KCNIP1: variants seen among roughly 807,000 people sequenced by gnomAD.
KCNIP1 encodes potassium voltage-gated channel interacting protein 1.
KCNIP1 carries 18 observed loss-of-function variants against 33.0 expected under a neutral mutation model. The observed-to-expected ratio is 0.55, with a 90% confidence interval of 0.38 to 0.81. KCNIP1 has a LOEUF of 0.81. KCNIP1 is among the 30% of genes least tolerant of loss of function. KCNIP1 has a pLI of 0.00. For missense variants in KCNIP1, 238 were observed against 271.6 expected (o/e 0.88, Z 0.87); for synonymous variants, 93 against 98.3 (o/e 0.95, Z 0.32).
intron 1 of KCNIP1, among the ~76,000 whole-genome samples, chr5:170,367,435 A>AAAGG (rs1278968238): frequency 1.4e-5 from 2 of 147,384 alleles, no homozygotes; most frequent in Admixed American, 6.8e-5. Context: ...AGAAAGAAAG[A>AAAGG]AAGGAAAGAA....
chr5:170,503,692 GACACACAC>G (rs113237236), upstream of KCNIP1, among the ~76,000 whole-genome samples: 7 of 143,042 alleles, frequency 4.9e-5, no homozygotes, highest in African/African-American at 1.3e-4. Flanking sequence ...CACACACAGG[GACACACAC>G]ACACACACAC....
chr5:170,625,235 G>GGCACACGTGT (rs777197231), intron 1 of KCNIP1, among the ~76,000 whole-genome samples: 1 of 151,968 alleles, frequency 6.6e-6, no homozygotes, highest in South Asian at 2.1e-4. Flanking sequence ...GCTCCCACAG[G>GGCACACGTGT]GCACACGTGT....
At chr5:170,578,252 G>A (rs1757672395) in intron 1 of KCNIP1, among the ~76,000 whole-genome samples, 1 of 152,188 alleles carries the variant, frequency 6.6e-6, no homozygotes, top group African/African-American at 2.4e-5. Context: ...ACAGTGGAAA[G>A]GCTACACACA....
chr5:170,708,518 G>A (rs1763337043), intron 1 of KCNIP1, among the ~76,000 whole-genome samples: 1 of 152,206 alleles, frequency 6.6e-6, no homozygotes, highest in Non-Finnish European at 1.5e-5. Flanking sequence ...CTTCCTACAA[G>A]TGTTGATATG....
chr5:170,395,776 G>A (rs1451615561), intron 1 of KCNIP1, among the ~76,000 whole-genome samples: 1 of 152,206 alleles, frequency 6.6e-6, no homozygotes, highest in Non-Finnish European at 1.5e-5. Context: ...GGGCTTGTGG[G>A]ACTCAGAACA....
chr5:170,492,692 G>A (rs984355048), intron 1 of KCNIP1, among the ~76,000 whole-genome samples: 4 of 152,146 alleles, frequency 2.6e-5, no homozygotes, highest in East Asian at 1.9e-4. Flanking sequence ...CTCATCACTC[G>A]GGAAACTCCA....
chr5:170,545,812 C>T (rs780611914), intron 1 of KCNIP1, among the ~76,000 whole-genome samples: 1 of 152,168 alleles, frequency 6.6e-6, no homozygotes, highest in African/African-American at 2.4e-5. Context: ...CTGATGAATA[C>T]AATAGCTGGG....
At chr5:170,437,082 A>G (rs927215944) in intron 1 of KCNIP1, among the ~76,000 whole-genome samples, 2 of 152,224 alleles carry the variant, frequency 1.3e-5, no homozygotes, top group Non-Finnish European at 2.9e-5. Flanking sequence ...GTGGAGAAGT[A>G]TAATCGGAAA....
intron 1 of KCNIP1, among the ~76,000 whole-genome samples, chr5:170,612,991 C>T (rs1025228702): frequency 1.3e-5 from 2 of 152,180 alleles, no homozygotes; most frequent in African/African-American, 2.4e-5. Flanking sequence ...TGGTCCCATC[C>T]GCTCTTCACA....
chr5:170,645,434 T>G (rs1270125621), intron 1 of KCNIP1, among the ~76,000 whole-genome samples: 1 of 152,198 alleles, frequency 6.6e-6, no homozygotes, highest in Non-Finnish European at 1.5e-5. Flanking sequence ...CAATCCTTAA[T>G]GTGTGTGCAC....
At chr5:170,509,296 C>G (rs1754840883) in intron 1 of KCNIP1, among the ~76,000 whole-genome samples, 1 of 152,180 alleles carries the variant, frequency 6.6e-6, no homozygotes, top group Non-Finnish European at 1.5e-5. Context: ...ACACCCAGCA[C>G]CAGGCACAGT....
chr5:170,380,580 C>T (rs1764200463), intron 1 of KCNIP1, among the ~76,000 whole-genome samples: 1 of 152,224 alleles, frequency 6.6e-6, no homozygotes, highest in Non-Finnish European at 1.5e-5. Flanking sequence ...AGATGCTGCA[C>T]TCAGATCTAG....
intron 1 of KCNIP1, among the ~76,000 whole-genome samples, chr5:170,645,767 G>A (rs1760759321): frequency 6.6e-6 from 1 of 152,036 alleles, no homozygotes; most frequent in Admixed American, 6.6e-5. Context: ...ATCATACAAT[G>A]TCTGCTCTCA....
At chr5:170,363,515 A>C (rs1287405297) in intron 1 of KCNIP1, among the ~76,000 whole-genome samples, 1 of 152,190 alleles carries the variant, frequency 6.6e-6, no homozygotes, top group Non-Finnish European at 1.5e-5. Context: ...CAGGAAAAGA[A>C]ACTTCATCAG....
chr5:170,690,664 A>G (rs1460601365), intron 1 of KCNIP1, among the ~76,000 whole-genome samples: 1 of 152,266 alleles, frequency 6.6e-6, no homozygotes, highest in African/African-American at 2.4e-5. Context: ...GGTGGCATTC[A>G]GTAGACATAG....
In KCNIP1 at chr5:170,451,723, T is replaced by TGTGTGTGTGTGTG. The variant is rs1756255311; in HGVS notation, c.88+97759_88+97760insGTGTGTGTGTGTG. On this transcript the variant is annotated intron_variant, in intron 1 of 7. Coordinates refer to the KCNIP1 transcript ENST00000377360. ...GACAGTTGCTTCAGCTTCTCCTGCATTGTGTGTGTGTGTGTGTGTGTGTGT... is the reference window on the plus strand; with the variant it reads ...GACAGTTGCTTCAGCTTCTCCTGCATGTGTGTGTGTGTGTGTGTGTGTGTGTGTGTGTGTGTGT... 4.7e-3 allele frequency among the ~76,000 whole-genome samples: 584 copies of TGTGTGTGTGTGTG among 122,972 alleles called. 5 individuals carry two copies. Among genetic ancestry groups the TGTGTGTGTGTGTG allele is most frequent in the African/African-American group, 0.014 (426 of 31,110 alleles). The allele number at this position is 122,972 out of a possible 152,430, so 80.7% of individuals were successfully genotyped here. A position where few individuals can be genotyped will look rare whatever the true frequency, so the allele number is the denominator to read the frequency against.
In KCNIP1 at chr5:170,390,517, A is replaced by AAAAAAAAAATATATAT; in HGVS notation, c.88+36554_88+36555insAAAAAAAATATATATA. Among the ~76,000 whole-genome samples the AAAAAAAAAATATATAT allele has an allele frequency of 7.9e-4, 59 of 74,526 alleles. 7 individuals are homozygous for AAAAAAAAAATATATAT. Among genetic ancestry groups the AAAAAAAAAATATATAT allele is most frequent in the African/African-American group, 3.7e-3 (57 of 15,598 alleles). 48.9% of individuals were successfully genotyped at this position (74,526 alleles called of 152,430 possible). ...GACCCCGTCTCAAAAAAAAAAAACA[A>AAAAAAAAAATATATAT]ATATATATATATATATATATATTTT... On this transcript the variant is annotated intron_variant, in intron 1 of 7. Coordinates refer to the KCNIP1 transcript ENST00000377360.
In KCNIP1 at chr5:170,504,196, C is replaced by G. The variant is rs1350709955; in HGVS notation, c.-377C>G. On this transcript the variant is annotated 5_prime_UTR_variant, in exon 1 of 8. Transcript: ENST00000328939. This position sits in a 1 kb window ranked among gnomAD's most constrained non-coding sequence, Gnocchi z 6.0. ...CAGGAGGGGCGGGCGGACGGCGGCTCCCGCACCGCACGCGGCGCTGGCTCG... is the reference window on the plus strand; with the variant it reads ...CAGGAGGGGCGGGCGGACGGCGGCTGCCGCACCGCACGCGGCGCTGGCTCG... 1.9e-6 allele frequency: 2 copies of G among 1,032,988 alleles called. No homozygotes were observed. Among genetic ancestry groups the G allele is most frequent in the Non-Finnish European group, 2.3e-6 (2 of 862,078 alleles). The allele number at this position is 1,032,988 out of a possible 1,614,324, so 64.0% of individuals were successfully genotyped here.
At chr5:170,412,197 T>G (rs1014778527) in intron 1 of KCNIP1, among the ~76,000 whole-genome samples, 13 of 151,618 alleles carry the variant, frequency 8.6e-5, no homozygotes, top group African/African-American at 2.9e-4. Context: ...TTAGTTGACT[T>G]GTGGCCCCAC....
Sources: allele counts gnomAD v4.1 joint callset (sites outside exome capture counted in the v4.1 genomes callset), GRCh38; gene constraint gnomAD v4.1.1; non-coding constraint Gnocchi (gnomAD v3.1); transcripts MANE v1.5; gene names NCBI Gene and HGNC (gene_info 2026-07-23, HGNC 2026-07-21).